The following ADGRB1 variants were observed in gnomAD, a reference collection of about 807,000 sequenced individuals.
ADGRB1 encodes the protein brain-specific angiogenesis inhibitor 1.
A neutral mutation model predicts 175.7 loss-of-function variants in ADGRB1; 36 were observed. That is an observed-to-expected ratio of 0.20 (90% CI 0.16 to 0.27). The LOEUF (loss-of-function observed/expected upper bound fraction) is 0.27, where lower values mean the gene tolerates loss of function less well. ADGRB1 is among the 10% of genes least tolerant of loss of function. ADGRB1 has a pLI of 1.00. For missense variants in ADGRB1, 1,731 were observed against 2,255.3 expected, an observed-to-expected ratio of 0.77 and a Z score of 4.71; for synonymous variants, 1,054 against 979.4, an observed-to-expected ratio of 1.08 and a Z score of -1.42.
chr8:142,449,714 A>AGGC lies in ADGRB1; in HGVS notation c.-598_-596dup, dbSNP rs1043714974. The AGGC allele has an allele frequency of 1.8e-4, 25 of 141,314 alleles. No individual in the cohort carries two copies. The highest frequency in any genetic ancestry group is 2.1e-4 in the Admixed American group (3 of 14,118). 8.8% of individuals were successfully genotyped at this position (141,314 alleles called of 1,614,324 possible). On this transcript the variant is annotated 5_prime_UTR_variant, in exon 1 of 31. Transcript: ENST00000517894. ...CGGCCGGAGAGGGAGCGGCGGGCGC[A>AGGC]GGCGGCGGCGGCGGGCGCGGCGTTG...
At chr8:142,529,021 C>G (rs1563744531) in intron 24 of ADGRB1, among the ~76,000 whole-genome samples, 3 of 152,238 alleles carry the variant, frequency 2.0e-5, no homozygotes, top group African/African-American at 2.4e-5. Flanking sequence ...CCTCCACCCC[C>G]ACCCCTGGTG....
intron 15 of ADGRB1, 97 bp from the exon 16 acceptor site, chr8:142,489,239 C>T (rs1283043850): frequency 1.9e-5 from 29 of 1,547,478 alleles, no homozygotes; most frequent in African/African-American, 8.2e-5. Flanking sequence ...TGGAGGGTGG[C>T]GGCGGGTACA....
chr8:142,535,226 C>T (rs913346315), intron 25 of ADGRB1, among the ~76,000 whole-genome samples: 4 of 152,176 alleles, frequency 2.6e-5, no homozygotes, highest in Non-Finnish European at 4.4e-5. Context: ...AAGGAGACAG[C>T]GGAGAGGAGG....
chr8:142,513,246 G>C (rs1268661445), intron 18 of ADGRB1, among the ~76,000 whole-genome samples: 1 of 152,212 alleles, frequency 6.6e-6, no homozygotes, highest in Non-Finnish European at 1.5e-5. Flanking sequence ...TGTGAGATGG[G>C]AGGGCGGTTG....
Position 142,533,418 on chromosome 8 carries a change from G to A in ADGRB1, c.3522G>A (p.Ser1174=), listed in dbSNP as rs749292630. 31 of 1,612,370 alleles carry A rather than the reference G, an allele frequency of 1.9e-5. No individual in the cohort carries two copies. Among genetic ancestry groups the A allele is most frequent in the South Asian group, 1.5e-4 (14 of 91,054 alleles). ...LFQILFAVFD[S]LEGFVIVMVH... Reference sequence around the variant, plus strand: ...AGATCCTCTTCGCTGTCTTCGACTCGCTGGAGGGCTTCGTCATCGTCATGG... The same window carrying A: ...AGATCCTCTTCGCTGTCTTCGACTCACTGGAGGGCTTCGTCATCGTCATGG... The change falls in exon 25 of 31, where the codon TCG becomes TCA. Residue 1174 remains serine (S), a synonymous_variant. Coordinates refer to ENST00000517894, the MANE Select transcript of ADGRB1 (RefSeq NM_001702.3).
In ADGRB1 at chr8:142,475,655, G is replaced by A. The variant is rs1460604361; in HGVS notation, c.946+20G>A. On this transcript the variant is annotated intron_variant, in intron 3 of 30. Coordinates refer to ENST00000517894, the MANE Select transcript of ADGRB1 (RefSeq NM_001702.3). Reference sequence around the variant, plus strand: ...GCGGCCGTGAGTGCGGGCGGGGCGGGGCGGAGCCGGAGCCCTGGAGAGGCG... The same window carrying A: ...GCGGCCGTGAGTGCGGGCGGGGCGGAGCGGAGCCGGAGCCCTGGAGAGGCG... 1.4e-5 allele frequency: 17 copies of A among 1,226,212 alleles called. No homozygotes were observed. Among genetic ancestry groups the A allele is most frequent in the Non-Finnish European group, 1.4e-5 (14 of 984,178 alleles). 76.0% of individuals were successfully genotyped at this position (1,226,212 alleles called of 1,614,324 possible).
chr8:142,528,963 G>A (rs554491522), intron 24 of ADGRB1, among the ~76,000 whole-genome samples: 5 of 152,320 alleles, frequency 3.3e-5, no homozygotes, highest in Admixed American at 6.5e-5. Context: ...TCTGGGGCCC[G>A]AGTGTGTGCC....
intron 1 of ADGRB1, among the ~76,000 whole-genome samples, chr8:142,460,552 G>C (rs950317460): frequency 6.6e-6 from 1 of 152,166 alleles, no homozygotes; most frequent in African/African-American, 2.4e-5. Context: ...CTGACTTGCT[G>C]ATGGCCCCTG....
chr8:142,521,673 G>A lies in ADGRB1; in HGVS notation c.3025-292G>A, dbSNP rs192666445. 2.8e-4 allele frequency among the ~76,000 whole-genome samples: 42 copies of A among 152,344 alleles called. 2 individuals are homozygous for A. Among genetic ancestry groups the A allele is most frequent in the Admixed American group, 1.8e-3 (28 of 15,310 alleles). On this transcript the variant is annotated intron_variant, in intron 20 of 30. Transcript: ENST00000517894. ...CTTACTACCTCCTGAACGCATGGGC[G>A]GGTACCTGGACTTTTGAGAAGGCCC...
intron 1 of ADGRB1, among the ~76,000 whole-genome samples, chr8:142,451,881 C>T (rs1009076586): frequency 6.6e-6 from 1 of 152,164 alleles, no homozygotes; most frequent in Non-Finnish European, 1.5e-5. Flanking sequence ...TCGAGCCGCT[C>T]CCTCCCGTGG....
rs1843000198 is a variant in ADGRB1, at chr8:142,510,076, G to C, written c.2676-856G>C. 6.6e-6 allele frequency among the ~76,000 whole-genome samples: 1 copy of C among 152,134 alleles called. No homozygotes were observed. The highest frequency in any genetic ancestry group is 1.5e-5 in the Non-Finnish European group (1 of 68,008). ...CAAAGCAGGAGGAGGAGGAAGAGGA[G>C]GCGGAGGAGGAAGAGGAGGAGGTGG... On this transcript the variant is annotated intron_variant, in intron 17 of 30. Coordinates refer to ENST00000517894, the MANE Select transcript of ADGRB1 (RefSeq NM_001702.3). This position sits in a 1 kb window ranked among gnomAD's most constrained non-coding sequence, Gnocchi z 6.3.
chr8:142,472,212 G>A (rs926020448), intron 2 of ADGRB1, among the ~76,000 whole-genome samples: 3 of 152,166 alleles, frequency 2.0e-5, no homozygotes, highest in Non-Finnish European at 2.9e-5. Flanking sequence ...CTCGGGGTGC[G>A]GGCTGTGGGG....
chr8:142,523,974 C>A (rs1319257642), intron 22 of ADGRB1, among the ~76,000 whole-genome samples: 1 of 152,120 alleles, frequency 6.6e-6, no homozygotes, highest in African/African-American at 2.4e-5. Context: ...CCTGGTGCCC[C>A]TGCTGTGTGG....
At position 142,542,620 on chromosome 8, in the gene ADGRB1, C is replaced by T. The variant is rs1418424983; in HGVS notation, c.4386C>T (p.Val1462=). ...GGCCCAGCACCAAGAACGAGAATGT[C>T]GCCACCTTGTCTGTGAGCTCCCTGG... is the stretch of plus-strand genomic sequence containing the variant. ...STGPSTKNEN[V]ATLSVSSLER... Residue 1462 remains valine, a synonymous_variant, in exon 28 of 31, where the codon GTC becomes GTT. Transcript: ENST00000517894. The surrounding 1 kb of genome is among the most constrained non-coding windows in gnomAD (Gnocchi z 6.3). The T allele has an allele frequency of 1.5e-5, 24 of 1,552,110 alleles. No homozygotes were observed. Among genetic ancestry groups the T allele is most frequent in the South Asian group, 3.6e-5 (3 of 84,402 alleles).
intron 2 of ADGRB1, among the ~76,000 whole-genome samples, chr8:142,472,615 G>A (rs1840732889): frequency 6.6e-6 from 1 of 152,204 alleles, no homozygotes; most frequent in South Asian, 2.1e-4. Context: ...AGCTAAGTGA[G>A]GGGACACACA....
intron 1 of ADGRB1, among the ~76,000 whole-genome samples, chr8:142,452,795 G>T (rs1321152645): frequency 1.3e-5 from 2 of 151,924 alleles, no homozygotes; most frequent in African/African-American, 4.8e-5. Flanking sequence ...GCCTCCGGGA[G>T]TGGGTCGTGG....
In ADGRB1 at chr8:142,479,672, CT is replaced by C. The variant is rs1841224890; in HGVS notation, c.1727-20del. The C allele has an allele frequency of 1.2e-6, 2 of 1,608,500 alleles. No homozygotes were observed. Among genetic ancestry groups the C allele is most frequent in the African/African-American group, 2.7e-5 (2 of 74,604 alleles). ...GCTCTCAGTACCCCTTCCTGAACCC[CT>C]GTCCCGGGCCCCTTGGCAGAGCCCC... On this transcript the variant is annotated intron_variant, in intron 8 of 30. Coordinates refer to ENST00000517894, the MANE Select transcript of ADGRB1 (RefSeq NM_001702.3).
chr8:142,454,467 G>A (rs1277842152), intron 1 of ADGRB1, among the ~76,000 whole-genome samples: 1 of 152,170 alleles, frequency 6.6e-6, no homozygotes, highest in Non-Finnish European at 1.5e-5. Context: ...CCCCCGCCCC[G>A]CGATGTGTGC....
At chr8:142,491,362 G>A (rs972389181) in intron 17 of ADGRB1, among the ~76,000 whole-genome samples, 6 of 152,240 alleles carry the variant, frequency 3.9e-5, no homozygotes, top group Non-Finnish European at 5.9e-5. Flanking sequence ...CAAGTTCCAC[G>A]CCCCATGTGG....
Sources: allele counts gnomAD v4.1 joint callset (sites outside exome capture counted in the v4.1 genomes callset), GRCh38; gene constraint gnomAD v4.1.1; non-coding constraint Gnocchi (gnomAD v3.1); transcripts MANE v1.5; gene names NCBI Gene and HGNC (gene_info 2026-07-23, HGNC 2026-07-21).